GRM7: variants seen among roughly 807,000 people sequenced by gnomAD.
GRM7 encodes the protein metabotropic glutamate receptor 7.
GRM7 carries 35 observed loss-of-function variants against 84.5 expected under a neutral mutation model. The ratio of observed to expected loss-of-function variants is 0.41; its 90% CI spans 0.32 to 0.55. The LOEUF is 0.55. GRM7 is among the 20% of genes least tolerant of loss of function. The pLI is 0.19. For missense variants in GRM7, 1,003 were observed against 1,194.6 expected (o/e 0.84, Z 2.36); for synonymous variants, 487 against 455.1 (o/e 1.07, Z -0.89).
intron 2 of GRM7, among the ~76,000 whole-genome samples, chr3:7,226,704 T>C (rs1033605003): frequency 3.9e-5 from 6 of 152,172 alleles, no homozygotes; most frequent in Admixed American, 2.0e-4. Context: ...CTTTTTGAAA[T>C]TGAATAAATC....
At chr3:7,574,889 CA>C (rs1362043292) in intron 7 of GRM7, among the ~76,000 whole-genome samples, 11 of 152,194 alleles carry the variant, frequency 7.2e-5, no homozygotes, top group African/African-American at 2.7e-4. Flanking sequence ...CCCCGGGTTA[CA>C]ACCCTTTGCT....
intron 1 of GRM7, among the ~76,000 whole-genome samples, chr3:6,977,747 G>A (rs1258546562): frequency 1.3e-5 from 2 of 152,180 alleles, no homozygotes. Flanking sequence ...TATGGGTGTT[G>A]CCAAATGTTG....
Position 7,371,950 on chromosome 3 carries a change from C to T in GRM7, c.1034-43073C>T, listed in dbSNP as rs114808673. Among the ~76,000 whole-genome samples the T allele has an allele frequency of 5.8e-4, 89 of 152,214 alleles. 1 individual carries two copies. Among genetic ancestry groups the T allele is most frequent in the African/African-American group, 2.1e-3 (87 of 41,540 alleles). On this transcript the variant is annotated intron_variant, in intron 4 of 9. Transcript: ENST00000357716. ...CCCTAAAGATACAGTTGGAGATAAT[C>T]TTAAAGCAGTAAAAGATGCTCAAAG...
At chr3:6,954,695 C>T (rs2125073662) in intron 1 of GRM7, among the ~76,000 whole-genome samples, 1 of 152,326 alleles carries the variant, frequency 6.6e-6, no homozygotes, top group Non-Finnish European at 1.5e-5. Flanking sequence ...TGAGCTCTAG[C>T]AACCTCTTTG....
At chr3:7,487,573 T>C (rs1699367247) in intron 7 of GRM7, among the ~76,000 whole-genome samples, 1 of 152,198 alleles carries the variant, frequency 6.6e-6, no homozygotes, top group Non-Finnish European at 1.5e-5. Flanking sequence ...TTGGCTCAAG[T>C]GGTCCCAGGT....
intron 9 of GRM7, among the ~76,000 whole-genome samples, chr3:7,732,368 A>G (rs1214673752): frequency 6.6e-6 from 1 of 152,188 alleles, no homozygotes; most frequent in Non-Finnish European, 1.5e-5. Context: ...AGAAACACAC[A>G]TGAGAAATTA....
Position 7,579,252 on chromosome 3 carries a change from G to A in GRM7, c.2346G>A (p.Glu782=), listed in dbSNP as rs367971673. ...VYAIKTRGVP[E]NFNEAKPIGF... is the part of the protein sequence containing the mutation. ...CCATCAAGACTCGGGGTGTACCCGA[G>A]AATTTTAACGAAGCCAAGCCCATTG... The change falls in exon 8 of 10, where the codon GAG becomes GAA. Residue 782 remains glutamate (E), a synonymous_variant. Coordinates refer to ENST00000357716, the MANE Select transcript of GRM7 (RefSeq NM_000844.4). 1 of 1,613,832 alleles carries A rather than the reference G, an allele frequency of 6.2e-7. No homozygotes were observed. Among genetic ancestry groups the A allele is most frequent in the African/African-American group, 1.3e-5 (1 of 75,034 alleles).
chr3:7,400,591 C>T (rs1410916546), intron 4 of GRM7, among the ~76,000 whole-genome samples: 5 of 152,186 alleles, frequency 3.3e-5, no homozygotes, highest in African/African-American at 1.2e-4. Flanking sequence ...TCCACTCTCT[C>T]CAGTCCTTCC....
At chr3:7,271,484 G>A (rs1344278611) in intron 2 of GRM7, among the ~76,000 whole-genome samples, 1 of 150,718 alleles carries the variant, frequency 6.6e-6, no homozygotes, top group Non-Finnish European at 1.5e-5. Flanking sequence ...GCGTGAACCC[G>A]GGAGGCGGAG....
At chr3:6,899,818 A>G (rs1046067339) in intron 1 of GRM7, among the ~76,000 whole-genome samples, 92 of 152,324 alleles carry the variant, frequency 6.0e-4, no homozygotes, top group Middle Eastern at 3.4e-3. Flanking sequence ...CTTTTAATCA[A>G]CTTCAGAGGT....
At chr3:7,459,059 C>A (rs1698135259) in intron 6 of GRM7, among the ~76,000 whole-genome samples, 1 of 152,126 alleles carries the variant, frequency 6.6e-6, no homozygotes, top group South Asian at 2.1e-4. Flanking sequence ...TTGATTCTTA[C>A]ACACAGCAGG....
At chr3:7,055,122 T>G (rs1697165882) in intron 1 of GRM7, among the ~76,000 whole-genome samples, 1 of 152,158 alleles carries the variant, frequency 6.6e-6, no homozygotes, top group South Asian at 2.1e-4. Flanking sequence ...ATCTATTGCC[T>G]TTGGATGATG....
In GRM7 at chr3:7,180,983, A is replaced by G. The variant is rs536557220; in HGVS notation, c.736+34315A>G. Among the ~76,000 whole-genome samples the G allele has an allele frequency of 7.2e-5, 11 of 152,270 alleles. No homozygotes were observed. The South Asian group carries it at 1.5e-3, about 20-fold the overall frequency. ...ACTTTGGAATTGGGTAAAACATCCCATGCTCATTTTTGCAATAATGAGTTT... is the reference window on the plus strand; with the variant it reads ...ACTTTGGAATTGGGTAAAACATCCCGTGCTCATTTTTGCAATAATGAGTTT... On this transcript the variant is annotated intron_variant, in intron 2 of 9. Transcript: ENST00000357716.
intron 9 of GRM7, among the ~76,000 whole-genome samples, chr3:7,710,908 C>G (rs774553007): frequency 6.6e-6 from 1 of 152,336 alleles, no homozygotes; most frequent in East Asian, 1.9e-4. Context: ...CTCAACCTCA[C>G]GTTGCCTTCA....
chr3:7,374,247 T>C (rs1694253134), intron 4 of GRM7, among the ~76,000 whole-genome samples: 1 of 152,082 alleles, frequency 6.6e-6, no homozygotes, highest in Admixed American at 6.6e-5. Flanking sequence ...TATGTACATA[T>C]ATATTTTTTA....
intron 4 of GRM7, among the ~76,000 whole-genome samples, chr3:7,330,243 A>G (rs1198313729): frequency 6.6e-6 from 1 of 152,152 alleles, no homozygotes; most frequent in East Asian, 1.9e-4. Context: ...GACATGTTCA[A>G]GATATACTTG....
chr3:7,215,668 A>AAAATAAATAAAT (rs71063288), intron 2 of GRM7, among the ~76,000 whole-genome samples: 4 of 150,180 alleles, frequency 2.7e-5, no homozygotes, highest in African/African-American at 4.9e-5. Flanking sequence ...CTGTCTCAAA[A>AAAATAAATAAAT]AAATAAATAA....
chr3:7,491,170 G>A (rs533189926), intron 7 of GRM7, among the ~76,000 whole-genome samples: 34 of 151,842 alleles, frequency 2.2e-4, no homozygotes, highest in Non-Finnish European at 2.9e-4. Context: ...TATTCCTAAA[G>A]TCCAGCAAAT....
intron 4 of GRM7, among the ~76,000 whole-genome samples, chr3:7,384,820 C>A (rs9856461): frequency 0.59 from 90,336 of 151,942 alleles, 27,142 homozygotes; most frequent in Middle Eastern, 0.65. Context: ...TTTACAAGGG[C>A]ATCTATCAGC....
Sources: allele counts gnomAD v4.1 joint callset (sites outside exome capture counted in the v4.1 genomes callset), GRCh38; gene constraint gnomAD v4.1.1; transcripts MANE v1.5; gene names NCBI Gene and HGNC (gene_info 2026-07-23, HGNC 2026-07-21).